The following MYCBPAP variants were observed in gnomAD, a reference collection of about 807,000 sequenced individuals.
MYCBPAP encodes the protein MYCBP associated protein.
In MYCBPAP, 60 loss-of-function variants were observed where a neutral mutation model predicts 106.1. The ratio of observed to expected loss-of-function variants is 0.57; its 90% CI spans 0.46 to 0.70. The LOEUF is 0.70. Ranked by LOEUF, MYCBPAP falls within the 30% of genes least tolerant of loss-of-function variation. The pLI is 0.00. For missense variants in MYCBPAP, 1,064 were observed against 1,169.3 expected, an observed-to-expected ratio of 0.91 and a Z score of 1.31; for synonymous variants, 407 against 440.6, an observed-to-expected ratio of 0.92 and a Z score of 0.95.
At chr17:50,516,369 G>T (rs1234930950) in intron 1 of MYCBPAP, among the ~76,000 whole-genome samples, 1 of 152,154 alleles carries the variant, frequency 6.6e-6, no homozygotes, top group African/African-American at 2.4e-5. Flanking sequence ...GTGGGTAGGG[G>T]GACCCTCCAG....
intron 1 of MYCBPAP, chr17:50,514,838 T>A (rs1190140564): frequency 7.5e-6 from 3 of 399,040 alleles, no homozygotes; most frequent in African/African-American, 2.1e-5. Flanking sequence ...TTTGATTTTT[T>A]TTATAGAGCC....
intron 11 of MYCBPAP, 54 bp downstream of exon 11, chr17:50,523,182 C>T (rs1597839154): frequency 1.3e-6 from 2 of 1,564,410 alleles, no homozygotes; most frequent in Non-Finnish European, 1.7e-6. Flanking sequence ...CTGGTTTTGT[C>T]CTCCGTGAGA....
chr17:50,518,582 C>T lies in MYCBPAP; in HGVS notation c.510C>T (p.Leu170=). The T allele has an allele frequency of 1.2e-6, 2 of 1,605,150 alleles. No individual in the cohort carries two copies. The highest frequency in any genetic ancestry group is 1.7e-6 in the Non-Finnish European group (2 of 1,176,710). Residue 170 remains leucine, a synonymous_variant, in exon 5 of 19, where the codon CTC becomes CTT. Transcript: ENST00000323776. ...RIPTSPCLMT[L]ISAEGESKQK... ...CTACCTCACCCTGTCTGATGACCCTCATCTCTGCTGAAGGAGAGTCAAAGC... is the reference window on the plus strand; with the variant it reads ...CTACCTCACCCTGTCTGATGACCCTTATCTCTGCTGAAGGAGAGTCAAAGC...
chr17:50,523,158 G>A, intron 11 of MYCBPAP, 30 bp downstream of exon 11: 3 of 1,602,074 alleles, frequency 1.9e-6, no homozygotes, highest in Non-Finnish European at 2.6e-6. Flanking sequence ...CTATGTGCTA[G>A]CTCCTGTCTG....
chr17:50,524,267 C>T (rs1219387271), intron 12 of MYCBPAP, among the ~76,000 whole-genome samples: 2 of 152,136 alleles, frequency 1.3e-5, no homozygotes, highest in Non-Finnish European at 2.9e-5. Flanking sequence ...ATCTGTCGTC[C>T]GCAGTCAGTT....
rs1567886662 is a variant in MYCBPAP at position 50,518,621 on chromosome 17, A to G, written c.549A>G (p.Lys183=). ...GAGAGTCAAAGCAAAAAGCCCCAAAAGAAGAGAAGAGACCTCCCTGGGCCC... is the reference window on the plus strand; with the variant it reads ...GAGAGTCAAAGCAAAAAGCCCCAAAGGAAGAGAAGAGACCTCCCTGGGCCC... ...AEGESKQKAP[K]EEKRPPWAPP... Residue 183 remains lysine (K), a synonymous_variant, in exon 5 of 19, where the codon AAA becomes AAG. Transcript: ENST00000323776. 1.2e-6 allele frequency: 2 copies of G among 1,610,998 alleles called. No homozygotes were observed. Among genetic ancestry groups the G allele is most frequent in the Non-Finnish European group, 8.5e-7 (1 of 1,179,034 alleles).
intron 1 of MYCBPAP, chr17:50,515,982 T>G (rs917502002): frequency 6.5e-6 from 1 of 152,934 alleles, no homozygotes; most frequent in Non-Finnish European, 1.5e-5. Context: ...ATGAAACATC[T>G]TTTTGTTTTG....
chr17:50,514,690 G>T (rs911883302), intron 1 of MYCBPAP, among the ~76,000 whole-genome samples: 10 of 151,774 alleles, frequency 6.6e-5, no homozygotes, highest in African/African-American at 2.2e-4. Context: ...ACAGGGTCTT[G>T]TTCTGTCACC....
rs112867411 is a variant in MYCBPAP at position 50,529,316 on chromosome 17, G to A, written c.2724+128G>A. ...GAGCTGCTTCAGGAAGGGCATCCTC[G>A]TGTGTGAGACAGGCCTCATGAATAA... On this transcript the variant is annotated intron_variant, in intron 18 of 18. Coordinates refer to ENST00000323776, the MANE Select transcript of MYCBPAP (RefSeq NM_032133.6). 6.1e-5 allele frequency: 52 copies of A among 848,504 alleles called. No individual in the cohort carries two copies. The Middle Eastern group carries it at 1.1e-3, about 18-fold the overall frequency. The allele number at this position is 848,504 out of a possible 1,614,324, so 52.6% of individuals were successfully genotyped here.
At chr17:50,529,315 C>T (rs773486281) in intron 18 of MYCBPAP, 127 bp downstream of exon 18, 84 of 848,950 alleles carry the variant, frequency 9.9e-5, no homozygotes, top group Middle Eastern at 7.2e-4. Context: ...AGGGCATCCT[C>T]GTGTGTGAGA....
intron 6 of MYCBPAP, 97 bp downstream of exon 6, chr17:50,519,186 C>T (rs931555078): frequency 2.0e-5 from 17 of 849,450 alleles, no homozygotes; most frequent in African/African-American, 6.8e-5. Flanking sequence ...TCTCAGGTGG[C>T]ACAGCTGGGG....
chr17:50,519,633 TTGCC>T lies in MYCBPAP; in HGVS notation c.769-6_769-3del. Reference sequence around the variant, plus strand: ...GGTAATCTGACTCACCTTTCCTTCCTTGCCAGAGCTGGGAGAACAGTGGGTTCTG... The same window carrying T: ...GGTAATCTGACTCACCTTTCCTTCCTAGAGCTGGGAGAACAGTGGGTTCTG... On this transcript the variant is annotated splice_polypyrimidine_tract_variant and splice_region_variant and intron_variant, in intron 6 of 18. Coordinates refer to ENST00000323776, the MANE Select transcript of MYCBPAP (RefSeq NM_032133.6). 1 of 1,614,010 alleles carries T rather than the reference TTGCC, an allele frequency of 6.2e-7. No homozygotes were observed. The highest frequency in any genetic ancestry group is 8.5e-7 in the Non-Finnish European group (1 of 1,179,956).
intron 4 of MYCBPAP, 130 bp downstream of exon 4, chr17:50,517,828 A>C: frequency 1.4e-6 from 1 of 728,286 alleles, no homozygotes; most frequent in Non-Finnish European, 2.3e-6. Context: ...TGAGTTGATA[A>C]GGGACCCTCT....
At chr17:50,524,628 G>A (rs897168823) in intron 12 of MYCBPAP, among the ~76,000 whole-genome samples, 4 of 151,968 alleles carry the variant, frequency 2.6e-5, no homozygotes, top group African/African-American at 9.7e-5. Context: ...ACTGGAACTG[G>A]CCCTCCTCTG....
intron 18 of MYCBPAP, chr17:50,529,614 T>C (rs570348355): frequency 4.9e-6 from 2 of 404,510 alleles, no homozygotes; most frequent in Admixed American, 2.7e-5. Flanking sequence ...CTTGGGATTT[T>C]TCGGAGTGAA....
chr17:50,531,455 A>G lies in MYCBPAP; in HGVS notation c.*27A>G. 7 of 1,535,646 alleles carry G rather than the reference A, an allele frequency of 4.6e-6. No individual in the cohort carries two copies. Among genetic ancestry groups the G allele is most frequent in the Non-Finnish European group, 6.2e-6 (7 of 1,125,832 alleles). On this transcript the variant is annotated 3_prime_UTR_variant, in exon 19 of 19. Coordinates refer to ENST00000323776, the MANE Select transcript of MYCBPAP (RefSeq NM_032133.6). ...TCTCGGGCCCAAGCAACCTTCTGGA[A>G]AACGGGTTAATAAATAAATCAATAA...
At chr17:50,521,009 A>G in intron 7 of MYCBPAP, 101 bp from the exon 8 acceptor site, 1 of 877,340 alleles carries the variant, frequency 1.1e-6, no homozygotes, top group Non-Finnish European at 1.8e-6. Flanking sequence ...AGTCCTTCCT[A>G]GAAATGGTGT....
At chr17:50,527,051 A>G (rs2034485977) in intron 14 of MYCBPAP, among the ~76,000 whole-genome samples, 1 of 152,294 alleles carries the variant, frequency 6.6e-6, no homozygotes, top group African/African-American at 2.4e-5. Context: ...CCAAGCTGCT[A>G]TATTCCAGGA....
At chr17:50,530,250 T>G (rs1480698426) in intron 18 of MYCBPAP, 1 of 427,752 alleles carries the variant, frequency 2.3e-6, no homozygotes, top group Non-Finnish European at 4.6e-6. Context: ...TCCCAGCACT[T>G]TGGGAGGCCA....
Sources: gnomAD v4.1 joint callset for allele counts (sites outside exome capture counted in the v4.1 genomes callset) on GRCh38, gnomAD v4.1.1 for gene constraint, MANE v1.5 for transcripts, NCBI Gene and HGNC (gene_info 2026-07-23, HGNC 2026-07-21) for gene names.